Variants in TMEM120B observed in about 807,000 individuals in gnomAD.
TMEM120B encodes transmembrane protein 120B.
TMEM120B carries 31 observed loss-of-function variants against 55.5 expected under a neutral mutation model. The ratio of observed to expected loss-of-function variants is 0.56; its 90% CI spans 0.42 to 0.75. The LOEUF is 0.75. TMEM120B is among the 30% of genes least tolerant of loss of function. TMEM120B has a pLI of 0.00. For missense variants in TMEM120B, 399 were observed against 425.5 expected (o/e 0.94, Z 0.55); for synonymous variants, 203 against 176.3 (o/e 1.15, Z -1.20).
chr12:121,715,498 G>T (rs1894683553), intron 1 of TMEM120B, among the ~76,000 whole-genome samples: 1 of 152,184 alleles, frequency 6.6e-6, no homozygotes, highest in African/African-American at 2.4e-5. Flanking sequence ...AGGGACAAAG[G>T]GATTGGGAAT....
intron 5 of TMEM120B, among the ~76,000 whole-genome samples, chr12:121,761,379 G>A (rs1437050325): frequency 1.3e-5 from 2 of 152,214 alleles, no homozygotes; most frequent in African/African-American, 2.4e-5. Context: ...GGGCTGAGTG[G>A]TCAGGGAAGG....
At chr12:121,760,811 A>G (rs1215678702) in intron 5 of TMEM120B, among the ~76,000 whole-genome samples, 1 of 152,110 alleles carries the variant, frequency 6.6e-6, no homozygotes, top group Non-Finnish European at 1.5e-5. Flanking sequence ...GGCCCTGTTT[A>G]TATCTGATTA....
At chr12:121,730,659 A>G (rs1276390780) in intron 1 of TMEM120B, among the ~76,000 whole-genome samples, 1 of 147,596 alleles carries the variant, frequency 6.8e-6, no homozygotes, top group East Asian at 2.0e-4. Context: ...AAAAAAAAAA[A>G]AAAACAAACA....
At chr12:121,770,437 C>T (rs1874002780) in intron 6 of TMEM120B, among the ~76,000 whole-genome samples, 1 of 152,102 alleles carries the variant, frequency 6.6e-6, no homozygotes, top group Admixed American at 6.6e-5. Flanking sequence ...AGCTTCAGTG[C>T]AGGAATTGGA....
At chr12:121,737,899 A>G (rs1316631628) in intron 1 of TMEM120B, among the ~76,000 whole-genome samples, 1 of 151,722 alleles carries the variant, frequency 6.6e-6, no homozygotes, top group Non-Finnish European at 1.5e-5. Context: ...AGTCCCAGCT[A>G]CTTGGGAGGC....
chr12:121,771,771 C>G (rs1013968999), intron 8 of TMEM120B, among the ~76,000 whole-genome samples: 2 of 152,106 alleles, frequency 1.3e-5, no homozygotes, highest in African/African-American at 4.8e-5. Context: ...CAGGCTGGAA[C>G]CCTGCCAACT....
At chr12:121,717,888 C>A (rs1314977113) in intron 1 of TMEM120B, among the ~76,000 whole-genome samples, 1 of 152,096 alleles carries the variant, frequency 6.6e-6, no homozygotes, top group African/African-American at 2.4e-5. Flanking sequence ...GAATTCCTGA[C>A]CTTGTGATCC....
At chr12:121,750,875 CA>C (rs1873277279) in intron 4 of TMEM120B, among the ~76,000 whole-genome samples, 1 of 128,640 alleles carries the variant, frequency 7.8e-6, no homozygotes, top group Non-Finnish European at 1.7e-5. Context: ...ACACCCACAC[CA>C]CACACCACAC....
chr12:121,775,244 A>T lies in TMEM120B; in HGVS notation c.906+114A>T. The T allele has an allele frequency of 2.4e-6, 2 of 840,660 alleles. No homozygotes were observed. Among genetic ancestry groups the T allele is most frequent in the South Asian group, 1.8e-5 (1 of 57,028 alleles). 52.1% of individuals were successfully genotyped at this position (840,660 alleles called of 1,614,324 possible). On this transcript the variant is annotated intron_variant, in intron 11 of 11. Coordinates refer to ENST00000449592, the MANE Select transcript of TMEM120B (RefSeq NM_001080825.2). The surrounding 1 kb of genome is among the most constrained non-coding windows in gnomAD (Gnocchi z 4.3). ...GATTCCTGGGGAGGGCTGGGATGGC[A>T]GATGTGGGGGTGGGGTGTGTGCGTG...
At chr12:121,724,410 G>A (rs545559953) in intron 1 of TMEM120B, among the ~76,000 whole-genome samples, 51 of 151,968 alleles carry the variant, frequency 3.4e-4, no homozygotes, top group African/African-American at 1.2e-3. Context: ...CCGGCCTCAA[G>A]CAAGTGATCC....
chr12:121,773,386 A>G, intron 8 of TMEM120B, 35 bp from the exon 9 acceptor site: 1 of 1,576,546 alleles, frequency 6.3e-7, no homozygotes, highest in Non-Finnish European at 8.6e-7. Flanking sequence ...CGGGGACACC[A>G]GGCCCTGAGC....
rs758035311 is a variant in TMEM120B at position 121,773,455 on chromosome 12, G to C, written c.714G>C (p.Arg238Ser). 1.6e-5 allele frequency: 25 copies of C among 1,610,368 alleles called. No homozygotes were observed. Among genetic ancestry groups the C allele is most frequent in the Non-Finnish European group, 1.9e-5 (22 of 1,178,000 alleles). Residue 238 changes from arginine to serine, a missense_variant, in exon 9 of 12, where the codon AGG becomes AGC. Transcript: ENST00000449592. ...AGTTCCTGCAATATTATTACCAGAG[G>C]GGCTGCCTCTACCGGCTGCGGGCCC... is the stretch of plus-strand genomic sequence containing the variant. ...CVQFLQYYYQ[R>S]GCLYRLRALG...
At chr12:121,732,978 C>CAA (rs773677592) in intron 1 of TMEM120B, among the ~76,000 whole-genome samples, 28 of 88,614 alleles carry the variant, frequency 3.2e-4, no homozygotes, top group Admixed American at 1.4e-3. Flanking sequence ...GACTCTGTCT[C>CAA]AAAAAAAAAA....
chr12:121,773,947 CTATCTTTTTTTT>C (rs1266323937), intron 9 of TMEM120B, among the ~76,000 whole-genome samples: 2 of 146,286 alleles, frequency 1.4e-5, no homozygotes, highest in Non-Finnish European at 3.0e-5. Context: ...TACAACTCTG[CTATCTTTTTTTT>C]TTTTTTTTTT....
intron 6 of TMEM120B, among the ~76,000 whole-genome samples, chr12:121,763,952 C>G (rs987669821): frequency 6.6e-6 from 1 of 152,124 alleles, no homozygotes; most frequent in Non-Finnish European, 1.5e-5. Context: ...GGAGAGCCCC[C>G]CTCCTGCCTG....
chr12:121,775,431 C>T lies in TMEM120B; in HGVS notation c.907-178C>T. On this transcript the variant is annotated intron_variant, in intron 11 of 11. Coordinates refer to ENST00000449592, the MANE Select transcript of TMEM120B (RefSeq NM_001080825.2). This position sits in a 1 kb window ranked among gnomAD's most constrained non-coding sequence, Gnocchi z 4.3. ...TTCGCCCCATCGAGCCCTTCCCAGG[C>T]CCTGCCCAAGCCTGAGGCCTCACCC... is the stretch of plus-strand genomic sequence containing the variant. The T allele has an allele frequency of 1.0e-6, 1 of 985,270 alleles. No homozygotes were observed. The highest frequency in any genetic ancestry group is 1.2e-6 in the Non-Finnish European group (1 of 829,848). 61.0% of individuals were successfully genotyped at this position (985,270 alleles called of 1,614,324 possible).
Position 121,779,331 on chromosome 12 carries a change from CAG to C in TMEM120B, c.*3612_*3613del, listed in dbSNP as rs1874353403. ...GGCAGCCTGGAGGGGAGTTTGTGGT[CAG>C]AGCCCCAGCCAGGAAAGGAGAGAGT... On this transcript the variant is annotated 3_prime_UTR_variant, in exon 12 of 12. Transcript: ENST00000449592. 1 of 739,380 alleles carries C rather than the reference CAG, an allele frequency of 1.4e-6. No individual in the cohort carries two copies. Among genetic ancestry groups the C allele is most frequent in the Admixed American group, 2.9e-5 (1 of 34,244 alleles). 45.8% of individuals were successfully genotyped at this position (739,380 alleles called of 1,614,324 possible).
At position 121,781,931 on chromosome 12, in the gene TMEM120B, C is replaced by T. The variant is rs544653640; in HGVS notation, c.*6209C>T. On this transcript the variant is annotated 3_prime_UTR_variant, in exon 12 of 12. Coordinates refer to ENST00000449592, the MANE Select transcript of TMEM120B (RefSeq NM_001080825.2). ...CGTGACGCCTGGCTCCGCCCCGAGA[C>T]GAGCTGAATCCAAATACGGATCTAG... 2.0e-5 allele frequency: 3 copies of T among 152,354 alleles called. No homozygotes were observed. The highest frequency in any genetic ancestry group is 6.5e-5 in the Admixed American group (1 of 15,298). The allele number at this position is 152,354 out of a possible 1,614,324, so 9.4% of individuals were successfully genotyped here. A position where few individuals can be genotyped will look rare whatever the true frequency, so the allele number is the denominator to read the frequency against.
rs552247008 is a variant in TMEM120B, at chr12:121,719,243, T to TA, written c.69+6291dup. Among the ~76,000 whole-genome samples, 504 of 144,728 alleles carry TA rather than the reference T, an allele frequency of 3.5e-3. 1 individual carries two copies. The highest frequency in any genetic ancestry group is 9.7e-3 in the African/African-American group (383 of 39,642). The allele number at this position is 144,728 out of a possible 152,430, so 94.9% of individuals were successfully genotyped here. A position where few individuals can be genotyped will look rare whatever the true frequency, so the allele number is the denominator to read the frequency against. The stretch of plus-strand genomic sequence containing the variant: ...AAGGAAAATCAAAAAGCTGGTAGTT[T>TA]AAAAAAAAAAAACAGAGAGAGGGAT... On this transcript the variant is annotated intron_variant, in intron 1 of 11. Transcript: ENST00000449592.
Sources: allele counts gnomAD v4.1 joint callset (sites outside exome capture counted in the v4.1 genomes callset), GRCh38; gene constraint gnomAD v4.1.1; non-coding constraint Gnocchi (gnomAD v3.1); transcripts MANE v1.5; gene names NCBI Gene and HGNC (gene_info 2026-07-23, HGNC 2026-07-21).